SOX6: variants seen among roughly 807,000 people sequenced by gnomAD.
SOX6 encodes the protein transcription factor SOX-6.
A neutral mutation model predicts 97.8 loss-of-function variants in SOX6; 11 were observed. That is an observed-to-expected ratio of 0.11 (90% confidence interval 0.07 to 0.19). The LOEUF is 0.19. Among genes scored for constraint, SOX6 ranks in the 10% least tolerant of loss-of-function variants. The pLI is 1.00. For missense variants in SOX6, 810 were observed against 1,039.5 expected, an observed-to-expected ratio of 0.78 and a Z score of 3.04; for synonymous variants, 360 against 371.4, an observed-to-expected ratio of 0.97 and a Z score of 0.35.
chr11:16,405,688 A>T (rs543859313), intron 1 of SOX6, among the ~76,000 whole-genome samples: 1 of 151,600 alleles, frequency 6.6e-6, no homozygotes, highest in Non-Finnish European at 1.5e-5. Flanking sequence ...AACAAAACCA[A>T]CTCTTTGCCT....
intron 1 of SOX6, among the ~76,000 whole-genome samples, chr11:16,442,603 T>A (rs1859524510): frequency 6.6e-6 from 1 of 152,162 alleles, no homozygotes; most frequent in Admixed American, 6.5e-5. Context: ...TTCTTAGAAT[T>A]TGGAATCATC....
intron 13 of SOX6, among the ~76,000 whole-genome samples, chr11:16,003,204 C>A (rs892407066): frequency 2.0e-5 from 3 of 151,942 alleles, no homozygotes; most frequent in African/African-American, 4.8e-5. Flanking sequence ...CCAGCTCTGG[C>A]TACTCTGCTT....
chr11:16,183,902 AG>A lies in SOX6; in HGVS notation c.760del (p.Leu254CysfsTer15). ...TACACTGACCTGGATCTGTTGCTGC[AG>A]GAGATTAATTTTGTGCTGCTGTTGC... ...LLQQQHKINLLQQQIQVQGHM... is the reference protein window; with the variant it reads ...LLQQQHKINLXQQQIQVQGHM... On this transcript the variant is annotated frameshift_variant, in exon 6 of 16. Transcript: ENST00000683767. LOFTEE classifies it high-confidence loss of function. 1 of 1,612,106 alleles carries A rather than the reference AG, an allele frequency of 6.2e-7. No individual in the cohort carries two copies. The highest frequency in any genetic ancestry group is 8.5e-7 in the Non-Finnish European group (1 of 1,178,518).
chr11:15,992,296 C>G (rs1854078686), intron 13 of SOX6, among the ~76,000 whole-genome samples: 1 of 152,136 alleles, frequency 6.6e-6, no homozygotes, highest in Non-Finnish European at 1.5e-5. Context: ...CCCAGGGAGG[C>G]CAACATTTGA....
chr11:16,613,627 GCACA>G lies in SOX6; in HGVS notation n.430-1371_430-1368del, dbSNP rs138405252. ...TCCACGCGCGCGCGCGGACCCACGA[GCACA>G]CACACACGCACGCACACACACAGAC... On this transcript the variant is annotated intron_variant and non_coding_transcript_variant, in intron 3 of 5. Coordinates refer to the SOX6 transcript ENST00000524520. This position sits in a 1 kb window ranked among gnomAD's most constrained non-coding sequence, Gnocchi z 4.6. Among the ~76,000 whole-genome samples the G allele has an allele frequency of 6.6e-6, 1 of 151,924 alleles. No individual in the cohort carries two copies. Among genetic ancestry groups the G allele is most frequent in the Non-Finnish European group, 1.5e-5 (1 of 67,950 alleles).
intron 9 of SOX6, among the ~76,000 whole-genome samples, chr11:16,078,837 G>A (rs1418054137): frequency 6.6e-6 from 1 of 152,110 alleles, no homozygotes; most frequent in Non-Finnish European, 1.5e-5. Context: ...CAGCATCCAA[G>A]CAGAGGCAAA....
intron 4 of SOX6, among the ~76,000 whole-genome samples, chr11:16,229,803 A>G (rs1852795199): frequency 6.6e-6 from 1 of 151,918 alleles, no homozygotes; most frequent in African/African-American, 2.4e-5. Context: ...ATGTTTTATG[A>G]GAATATTTTT....
chr11:16,678,067 T>C (rs1318399700), intron 3 of SOX6, among the ~76,000 whole-genome samples: 7 of 152,332 alleles, frequency 4.6e-5, no homozygotes, highest in African/African-American at 1.4e-4. Flanking sequence ...TGACTAGATG[T>C]TTATCAACAT....
intron 2 of SOX6, among the ~76,000 whole-genome samples, chr11:16,718,738 T>C (rs2134052140): frequency 6.6e-6 from 1 of 152,284 alleles, no homozygotes; most frequent in African/African-American, 2.4e-5. Flanking sequence ...ATCTTCAGTG[T>C]ATATGCATTG....
chr11:16,146,045 T>C (rs1430653038), intron 6 of SOX6, among the ~76,000 whole-genome samples: 1 of 152,044 alleles, frequency 6.6e-6, no homozygotes, highest in Admixed American at 6.6e-5. Flanking sequence ...CATTGCCAAG[T>C]CAATCCTAAG....
Position 16,284,133 on chromosome 11 carries a change from G to A in SOX6, c.445+34313C>T, listed in dbSNP as rs755252237. On this transcript the variant is annotated intron_variant, in intron 3 of 15. Coordinates refer to ENST00000683767, the MANE Select transcript of SOX6 (RefSeq NM_001367873.1). ...ATACCTTCTCTCTCAAGTCTATCAAGCTGCTTCTGATATCTCTTACAGTAG... is the reference window on the plus strand; with the variant it reads ...ATACCTTCTCTCTCAAGTCTATCAAACTGCTTCTGATATCTCTTACAGTAG... 5.3e-4 allele frequency among the ~76,000 whole-genome samples: 81 copies of A among 152,154 alleles called. 1 individual carries two copies. Among genetic ancestry groups the A allele is most frequent in the Middle Eastern group, 3.4e-3 (1 of 294 alleles).
chr11:16,268,041 G>C (rs891144895), intron 3 of SOX6, among the ~76,000 whole-genome samples: 1 of 151,280 alleles, frequency 6.6e-6, no homozygotes, highest in Non-Finnish European at 1.5e-5. Flanking sequence ...AGAGTCTAGG[G>C]TATGGGGAAA....
chr11:16,248,368 T>G (rs558351766), intron 3 of SOX6, among the ~76,000 whole-genome samples: 7 of 152,100 alleles, frequency 4.6e-5, no homozygotes, highest in African/African-American at 1.7e-4. Flanking sequence ...TGTGTAGGGG[T>G]TCCAATCCCA....
At chr11:16,081,245 C>T (rs962289036) in intron 9 of SOX6, among the ~76,000 whole-genome samples, 12 of 152,050 alleles carry the variant, frequency 7.9e-5, no homozygotes. Flanking sequence ...GACTGTATTT[C>T]ACAGAGCTAA....
intron 3 of SOX6, among the ~76,000 whole-genome samples, chr11:16,271,734 T>C (rs918224822): frequency 1.9e-4 from 29 of 151,380 alleles, no homozygotes; most frequent in African/African-American, 6.8e-4. Flanking sequence ...ATTTTGCGTG[T>C]TTATGTTTTT....
intron 4 of SOX6, among the ~76,000 whole-genome samples, chr11:16,567,561 C>CTTTTTTTTTTTTTTT (rs59320140): frequency 1.1e-5 from 1 of 87,322 alleles, no homozygotes; most frequent in African/African-American, 4.1e-5. Context: ...ATATTTTTTT[C>CTTTTTTTTTTTTTTT]TTTTTTTTTT....
At chr11:16,444,743 A>G (rs1859580362) in intron 1 of SOX6, among the ~76,000 whole-genome samples, 1 of 151,642 alleles carries the variant, frequency 6.6e-6, no homozygotes, top group South Asian at 2.1e-4. Context: ...ATTTGATGAG[A>G]CTATTTAATA....
chr11:16,107,535 T>C (rs1424756576), intron 7 of SOX6, among the ~76,000 whole-genome samples: 1 of 150,948 alleles, frequency 6.6e-6, no homozygotes, highest in East Asian at 1.9e-4. Context: ...AAGCTAGACA[T>C]AGAAGGATAA....
At chr11:16,554,172 G>A (rs1384554411) in intron 4 of SOX6, among the ~76,000 whole-genome samples, 6 of 152,064 alleles carry the variant, frequency 3.9e-5, no homozygotes, top group Admixed American at 3.9e-4. Flanking sequence ...ACAAAAATGA[G>A]CAGAAGGAAA....
Sources: allele counts gnomAD v4.1 joint callset (sites outside exome capture counted in the v4.1 genomes callset), GRCh38; gene constraint gnomAD v4.1.1; non-coding constraint Gnocchi (gnomAD v3.1); transcripts MANE v1.5; gene names NCBI Gene and HGNC (gene_info 2026-07-23, HGNC 2026-07-21).